Variants in CPT1A observed in about 807,000 individuals in gnomAD.
CPT1A encodes the protein carnitine palmitoyltransferase 1A.
A neutral mutation model predicts 100.8 loss-of-function variants in CPT1A; 64 were observed. The observed-to-expected ratio is 0.63, with a 90% CI of 0.52 to 0.78. The LOEUF (loss-of-function observed/expected upper bound fraction) is 0.78, where lower values mean the gene tolerates loss of function less well. Ranked by LOEUF, CPT1A falls within the 30% of genes least tolerant of loss-of-function variation. The probability of loss-of-function intolerance (pLI) is 0.00; values close to 1 mark genes in which losing one functional copy is unlikely to be tolerated. For missense variants in CPT1A, 802 were observed against 1,034.1 expected (o/e 0.78, Z 3.08); for synonymous variants, 363 against 396.0 (o/e 0.92, Z 0.99).
At chr11:68,810,917 G>A (rs181895326) in intron 3 of CPT1A, among the ~76,000 whole-genome samples, 3 of 152,094 alleles carry the variant, frequency 2.0e-5, no homozygotes, top group Non-Finnish European at 2.9e-5. Context: ...CCCGGGAGGC[G>A]GAGGTTGCAG....
chr11:68,778,847 G>A lies in CPT1A; in HGVS notation c.1458+1793C>T, dbSNP rs555407880. The stretch of plus-strand genomic sequence containing the variant: ...TTCGTCCAGGCTGGAGTGCAGTGGC[G>A]TGATCTCGGCTCACTGCAAGCTCTG... On this transcript the variant is annotated intron_variant, in intron 12 of 18. Coordinates refer to ENST00000265641, the MANE Select transcript of CPT1A (RefSeq NM_001876.4). Among the ~76,000 whole-genome samples, 415 of 151,448 alleles carry A rather than the reference G, an allele frequency of 2.7e-3. 3 individuals are homozygous for A. The highest frequency in any genetic ancestry group is 9.6e-3 in the African/African-American group (395 of 41,342).
intron 13 of CPT1A, 178 bp from the exon 14 acceptor site, chr11:68,773,607 G>C: frequency 8.9e-7 from 1 of 1,121,920 alleles, no homozygotes; most frequent in East Asian, 2.7e-5. Context: ...CCTGACCCCG[G>C]AGGAGCAGCT....
chr11:68,763,380 C>A (rs544495561), intron 14 of CPT1A, among the ~76,000 whole-genome samples: 5 of 152,144 alleles, frequency 3.3e-5, no homozygotes, highest in Admixed American at 6.5e-5. Flanking sequence ...CAGCAGTGTA[C>A]AGAAGGAATG....
In CPT1A at chr11:68,809,098, TTATA is replaced by T. The variant is rs1383087539; in HGVS notation, c.282-1464_282-1461del. Among the ~76,000 whole-genome samples the T allele has an allele frequency of 5.3e-5, 8 of 152,222 alleles. No homozygotes were observed. In the East Asian group the frequency reaches 1.5e-3, roughly 29 times the overall value. Reference sequence around the variant, plus strand: ...GGACAAAAACAAATTATCTTCAAGGTTATATACTCTTTGCTCCAAAATGTATATC... The same window carrying T: ...GGACAAAAACAAATTATCTTCAAGGTTACTCTTTGCTCCAAAATGTATATC... On this transcript the variant is annotated intron_variant, in intron 3 of 18. Transcript: ENST00000265641.
intron 14 of CPT1A, 36 bp downstream of exon 14, chr11:68,773,229 G>C: frequency 6.2e-7 from 1 of 1,612,334 alleles, no homozygotes; most frequent in Non-Finnish European, 8.5e-7. Context: ...AACCCCCAAA[G>C]TGCTCACGAC....
At chr11:68,761,443 C>A (rs976145314) in intron 16 of CPT1A, 92 bp downstream of exon 16, 6 of 1,445,908 alleles carry the variant, frequency 4.1e-6, no homozygotes, top group African/African-American at 2.8e-5. Context: ...AATGCCCATT[C>A]TGACATTAAA....
At chr11:68,773,114 G>A (rs1390986374) in intron 14 of CPT1A, 151 bp downstream of exon 14, 8 of 1,449,240 alleles carry the variant, frequency 5.5e-6, no homozygotes, top group Non-Finnish European at 4.6e-6. Context: ...AACACCCAAC[G>A]CCACCCGGCC....
At chr11:68,765,153 G>A (rs1304114958) in intron 14 of CPT1A, among the ~76,000 whole-genome samples, 1 of 152,274 alleles carries the variant, frequency 6.6e-6, no homozygotes, top group Non-Finnish European at 1.5e-5. Context: ...GAAGTGGGGA[G>A]AGGGAGAGAA....
chr11:68,782,107 T>G lies in CPT1A; in HGVS notation c.1164-148A>C. On this transcript the variant is annotated intron_variant, in intron 10 of 18. Transcript: ENST00000265641. ...GATGATGTTCCCCATCTGAGACTGT[T>G]TGCTGGAAGGACTCTCACCTGCTCC... 6.4e-6 allele frequency: 5 copies of G among 776,434 alleles called. No individual in the cohort carries two copies. In the South Asian group the frequency reaches 8.0e-5, roughly 12 times the overall value. The allele number at this position is 776,434 out of a possible 1,614,324, so 48.1% of individuals were successfully genotyped here.
chr11:68,786,033 C>A lies in CPT1A; in HGVS notation c.968-1023G>T, dbSNP rs535171730. The stretch of plus-strand genomic sequence containing the variant: ...ACAGTGACAGCTGATCAAGGCAGAT[C>A]GTCTAGTGAGGAAGACAAATAAATG... On this transcript the variant is annotated intron_variant, in intron 9 of 18. Transcript: ENST00000265641. 32 of 702,144 alleles carry A rather than the reference C, an allele frequency of 4.6e-5. No individual in the cohort carries two copies. The Admixed American group carries it at 6.0e-4, about 13-fold the overall frequency. The allele number at this position is 702,144 out of a possible 1,614,324, so 43.5% of individuals were successfully genotyped here. A position where few individuals can be genotyped will look rare whatever the true frequency, so the allele number is the denominator to read the frequency against.
At position 68,841,236 on chromosome 11, in the gene CPT1A, A is replaced by G. The variant is rs1857152727; in HGVS notation, c.-14+539T>C. ...AACCCACGGGCGGACCCCCAGACCC[A>G]ATCCTCTCCAGAGCCAGGGTGGGAT... On this transcript the variant is annotated intron_variant, in intron 1 of 18. Coordinates refer to ENST00000265641, the MANE Select transcript of CPT1A (RefSeq NM_001876.4). This position sits in a 1 kb window ranked among gnomAD's most constrained non-coding sequence, Gnocchi z 6.3. 6.6e-6 allele frequency among the ~76,000 whole-genome samples: 1 copy of G among 151,904 alleles called. No individual in the cohort carries two copies. Among genetic ancestry groups the G allele is most frequent in the Admixed American group, 6.5e-5 (1 of 15,272 alleles).
At chr11:68,762,313 T>A (rs183036902) in intron 15 of CPT1A, among the ~76,000 whole-genome samples, 1 of 152,268 alleles carries the variant, frequency 6.6e-6, no homozygotes, top group African/African-American at 2.4e-5. Context: ...ACCTGTTCAG[T>A]TCCAAAGCAG....
At chr11:68,791,430 G>C (rs969803275) in intron 9 of CPT1A, among the ~76,000 whole-genome samples, 1 of 152,230 alleles carries the variant, frequency 6.6e-6, no homozygotes, top group Non-Finnish European at 1.5e-5. Flanking sequence ...CAACACATCT[G>C]TTTTTCACAT....
At chr11:68,759,718 G>A (rs1028956846) in intron 17 of CPT1A, 57 bp from the exon 18 acceptor site, 1 of 1,290,628 alleles carries the variant, frequency 7.7e-7, no homozygotes, top group South Asian at 1.2e-5. Flanking sequence ...GTGAAAAAGG[G>A]ACTTTCTAAT....
In CPT1A at chr11:68,798,489, C is replaced by G. The variant is rs760133525; in HGVS notation, c.693+729G>C. ...GTTGTTCCTCAAAGCTAGACTCCCTCCCTTGCTTTGTCTGCCGGAGGCCTG... is the reference window on the plus strand; with the variant it reads ...GTTGTTCCTCAAAGCTAGACTCCCTGCCTTGCTTTGTCTGCCGGAGGCCTG... On this transcript the variant is annotated intron_variant, in intron 6 of 18. Transcript: ENST00000265641. Among the ~76,000 whole-genome samples, 139 of 152,164 alleles carry G rather than the reference C, an allele frequency of 9.1e-4. 3 individuals carry two copies. Among genetic ancestry groups the G allele is most frequent in the Admixed American group, 2.6e-3 (39 of 15,276 alleles).
At chr11:68,829,694 C>T (rs1566388777) in intron 1 of CPT1A, among the ~76,000 whole-genome samples, 1 of 152,188 alleles carries the variant, frequency 6.6e-6, no homozygotes, top group Admixed American at 6.5e-5. Flanking sequence ...GGAATGGACT[C>T]GTGGAGGAGG....
intron 12 of CPT1A, among the ~76,000 whole-genome samples, chr11:68,775,998 T>G (rs1330177204): frequency 1.3e-5 from 2 of 152,166 alleles, no homozygotes; most frequent in South Asian, 2.1e-4. Context: ...GATGAAGAGA[T>G]AAACAAAGTG....
intron 14 of CPT1A, 140 bp from the exon 15 acceptor site, chr11:68,762,901 G>C: frequency 9.4e-7 from 1 of 1,066,294 alleles, no homozygotes; most frequent in Non-Finnish European, 1.4e-6. Flanking sequence ...CTGTTGCCCA[G>C]GCTGGCATGC....
At chr11:68,838,572 T>TTAAAAAAAAAAAAAAAAAAAAAAAAAA (rs1491356211) in intron 1 of CPT1A, among the ~76,000 whole-genome samples, 2 of 95,514 alleles carry the variant, frequency 2.1e-5, no homozygotes, top group African/African-American at 1.0e-4. Context: ...TGCACCTTTT[T>TTAAAAAAAAAAAAAAAAAAAAAAAAAA]AAAAAAAAAA....
Sources: allele counts gnomAD v4.1 joint callset (sites outside exome capture counted in the v4.1 genomes callset), GRCh38; gene constraint gnomAD v4.1.1; non-coding constraint Gnocchi (gnomAD v3.1); transcripts MANE v1.5; gene names NCBI Gene and HGNC (gene_info 2026-07-23, HGNC 2026-07-21).